Variants in SCGB2B2 observed in about 807,000 individuals in gnomAD.
The protein encoded by SCGB2B2 is secretoglobin-like protein.
SCGB2B2 carries 11 observed loss-of-function variants against 7.6 expected under a neutral mutation model. The ratio of observed to expected loss-of-function variants is 1.45; its 90% confidence interval spans 0.91 to 2.40. The LOEUF is 2.40. SCGB2B2 is among the 30% of genes most tolerant of loss of function. The probability of loss-of-function intolerance (pLI) is 0.00; values close to 1 mark genes in which losing one functional copy is unlikely to be tolerated. For synonymous variants in SCGB2B2, 50 were observed against 48.6 expected (o/e 1.03, Z -0.12); for missense variants, 104 against 115.4 (o/e 0.90, Z 0.45).
At chr19:34,674,742 G>C (rs1171476481) in intron 1 of SCGB2B2, among the ~76,000 whole-genome samples, 1 of 152,150 alleles carries the variant, frequency 6.6e-6, no homozygotes, top group Non-Finnish European at 1.5e-5. Context: ...CTGATTACCA[G>C]AGATGACACA....
chr19:34,661,383 G>A (rs981395795), intron 1 of SCGB2B2, among the ~76,000 whole-genome samples: 1 of 152,118 alleles, frequency 6.6e-6, no homozygotes, highest in East Asian at 1.9e-4. Context: ...ATGTACCAGT[G>A]TTATGGAGAG....
chr19:34,656,680 A>G (rs1164216807), intron 1 of SCGB2B2, among the ~76,000 whole-genome samples: 2 of 151,330 alleles, frequency 1.3e-5, no homozygotes, highest in Non-Finnish European at 2.9e-5. Context: ...CCTACGAAAA[A>G]AATCTGATGT....
chr19:34,607,174 G>A (rs1450376319), intron 1 of SCGB2B2, among the ~76,000 whole-genome samples: 1 of 152,188 alleles, frequency 6.6e-6, no homozygotes, highest in Non-Finnish European at 1.5e-5. Context: ...TATTTCACTA[G>A]GCATAATGTC....
chr19:34,624,474 T>G (rs1163012335), intron 1 of SCGB2B2, among the ~76,000 whole-genome samples: 1 of 152,172 alleles, frequency 6.6e-6, no homozygotes, highest in East Asian at 1.9e-4. Flanking sequence ...AGAGTTACAT[T>G]CCTGGTTACT....
chr19:34,651,934 T>C (rs1381328610), intron 1 of SCGB2B2, among the ~76,000 whole-genome samples: 1 of 151,060 alleles, frequency 6.6e-6, no homozygotes, highest in Non-Finnish European at 1.5e-5. Context: ...AACAGACACA[T>C]AGACCAGTGA....
At chr19:34,655,798 G>C (rs1346609422) in intron 1 of SCGB2B2, among the ~76,000 whole-genome samples, 1 of 151,218 alleles carries the variant, frequency 6.6e-6, no homozygotes, top group Non-Finnish European at 1.5e-5. Flanking sequence ...CATATCTAAC[G>C]AGAGGCAAGG....
At chr19:34,608,925 T>C (rs1370432485) in intron 1 of SCGB2B2, among the ~76,000 whole-genome samples, 1 of 151,970 alleles carries the variant, frequency 6.6e-6, no homozygotes, top group African/African-American at 2.4e-5. Context: ...CCTATCCTAA[T>C]TTACATTCCT....
At chr19:34,618,040 C>T (rs1199409382) in intron 1 of SCGB2B2, among the ~76,000 whole-genome samples, 7 of 152,114 alleles carry the variant, frequency 4.6e-5, no homozygotes. Flanking sequence ...TCTGGCACTC[C>T]CTAGTGAGAT....
chr19:34,635,245 G>A (rs1046550653), intron 1 of SCGB2B2: 6 of 271,816 alleles, frequency 2.2e-5, no homozygotes, highest in South Asian at 4.9e-5. Context: ...AAATAATTTC[G>A]CACATTTGCT....
intron 1 of SCGB2B2, among the ~76,000 whole-genome samples, chr19:34,640,953 T>C (rs2066823591): frequency 6.6e-6 from 1 of 152,184 alleles, no homozygotes; most frequent in Non-Finnish European, 1.5e-5. Flanking sequence ...CTAAGGAAAC[T>C]AATTTGAGGT....
At chr19:34,669,389 A>T (rs1163145410) in intron 1 of SCGB2B2, among the ~76,000 whole-genome samples, 1 of 152,256 alleles carries the variant, frequency 6.6e-6, no homozygotes, top group Non-Finnish European at 1.5e-5. Context: ...CCATTCAGAC[A>T]AACAAACTCA....
Position 34,644,504 on chromosome 19 carries a change from T to C in SCGB2B2, c.-2032+31126A>G, listed in dbSNP as rs553315526. 8.5e-5 allele frequency among the ~76,000 whole-genome samples: 13 copies of C among 152,294 alleles called. No individual in the cohort carries two copies. In the East Asian group the frequency reaches 2.3e-3, roughly 27 times the overall value. On this transcript the variant is annotated intron_variant, in intron 1 of 3. Coordinates refer to ENST00000601241, the MANE Select transcript of SCGB2B2 (RefSeq NM_001025591.4). Reference sequence around the variant, plus strand: ...ATCGATGTCCAAAACTTTTTCATCATTTCAAACAAAAATTCTGTACCCATC... The same window carrying C: ...ATCGATGTCCAAAACTTTTTCATCACTTCAAACAAAAATTCTGTACCCATC...
At chr19:34,645,885 G>T (rs561251037) in intron 1 of SCGB2B2, 65 of 249,654 alleles carry the variant, frequency 2.6e-4, no homozygotes, top group Middle Eastern at 9.0e-4. Context: ...ATCCACCACA[G>T]GGGATGCCTG....
chr19:34,605,359 G>A (rs7259736), intron 1 of SCGB2B2, among the ~76,000 whole-genome samples: 47,903 of 152,034 alleles, frequency 0.32, 8,396 homozygotes, highest in Middle Eastern at 0.47. Context: ...CAGTAGAGAT[G>A]TTGCTTCCTA....
At chr19:34,605,605 G>A (rs2145806902) in intron 1 of SCGB2B2, among the ~76,000 whole-genome samples, 1 of 152,260 alleles carries the variant, frequency 6.6e-6, no homozygotes, top group East Asian at 1.9e-4. Context: ...TTGAGACGGA[G>A]TTTTGCTCTT....
chr19:34,625,840 C>A (rs555062911), intron 1 of SCGB2B2, among the ~76,000 whole-genome samples: 1 of 152,288 alleles, frequency 6.6e-6, no homozygotes, highest in African/African-American at 2.4e-5. Context: ...GTCCCTGACC[C>A]CCGAGTAGCC....
intron 1 of SCGB2B2, among the ~76,000 whole-genome samples, chr19:34,647,276 G>T (rs544818474): frequency 6.6e-6 from 1 of 152,246 alleles, no homozygotes; most frequent in South Asian, 2.1e-4. Context: ...AGTTGATTTC[G>T]TCCTCGCTGG....
downstream of SCGB2B2, among the ~76,000 whole-genome samples, chr19:34,586,630 G>A (rs373705506): frequency 1.2e-3 from 190 of 152,180 alleles, 1 homozygote; most frequent in African/African-American, 4.0e-3. Flanking sequence ...AACTACATAC[G>A]GTGATACTCA....
At chr19:34,646,009 T>C in intron 1 of SCGB2B2, 1 of 321,938 alleles carries the variant, frequency 3.1e-6, no homozygotes, top group Non-Finnish European at 6.1e-6. Context: ...TTCCTCAAGT[T>C]CTAGCAATGC....
Sources: gnomAD v4.1 joint callset for allele counts (sites outside exome capture counted in the v4.1 genomes callset) on GRCh38, gnomAD v4.1.1 for gene constraint, MANE v1.5 for transcripts, NCBI Gene and HGNC (gene_info 2026-07-23, HGNC 2026-07-21) for gene names.